Variants in SMG7 observed in about 807,000 individuals in gnomAD.
SMG7 encodes the protein SMG7 nonsense mediated mRNA decay factor.
In SMG7, 34 loss-of-function variants were observed where a neutral mutation model predicts 148.2. The ratio of observed to expected loss-of-function variants is 0.23; its 90% CI spans 0.17 to 0.31. SMG7 has a LOEUF of 0.31. Ranked by LOEUF, SMG7 falls within the 10% of genes least tolerant of loss-of-function variation. SMG7 has a pLI of 1.00. For synonymous variants in SMG7, 492 were observed against 515.1 expected (o/e 0.96, Z 0.61); for missense variants, 1,114 against 1,408.4 (o/e 0.79, Z 3.35).
intron 7 of SMG7, 107 bp downstream of exon 7, chr1:183,529,149 A>T: frequency 9.3e-7 from 1 of 1,077,862 alleles, no homozygotes; most frequent in Non-Finnish European, 1.3e-6. Flanking sequence ...TGCTTCTCTT[A>T]TTTCTAAACA....
At chr1:183,480,078 C>CT (rs1362203199) in intron 1 of SMG7, among the ~76,000 whole-genome samples, 1 of 152,112 alleles carries the variant, frequency 6.6e-6, no homozygotes, top group Admixed American at 6.5e-5. Context: ...TTGGTGGCTG[C>CT]TGTAGGCCTC....
intron 1 of SMG7, among the ~76,000 whole-genome samples, chr1:183,495,029 A>G (rs141302981): frequency 4.6e-5 from 7 of 151,954 alleles, no homozygotes; most frequent in African/African-American, 9.7e-5. Context: ...GGGTTTCACT[A>G]TGTTGGCCAG....
At chr1:183,533,589 G>A in intron 9 of SMG7, 87 bp from the exon 10 acceptor site, 1 of 1,145,952 alleles carries the variant, frequency 8.7e-7, no homozygotes, top group Non-Finnish European at 1.2e-6. Context: ...GTGTTAAACA[G>A]AATATAGTAG....
intron 10 of SMG7, among the ~76,000 whole-genome samples, chr1:183,535,865 T>G (rs1458059245): frequency 6.6e-6 from 1 of 152,170 alleles, no homozygotes; most frequent in Middle Eastern, 3.2e-3. Flanking sequence ...TCTCTTTTAG[T>G]TTACTGACCT....
rs3754518 is a variant in SMG7, at chr1:183,543,675, A to G, written c.1843-678A>G. On this transcript the variant is annotated intron_variant, in intron 14 of 22. Coordinates refer to ENST00000688051, the MANE Select transcript of SMG7 (RefSeq NM_001375584.1). ...ATAAATGATTAAAGAAAGAAAGAGT[A>G]AACATATCACCACACTCTGTACCTC... 3.9e-5 allele frequency among the ~76,000 whole-genome samples: 6 copies of G among 152,322 alleles called. No homozygotes were observed. The East Asian group carries it at 1.2e-3, about 29-fold the overall frequency.
intron 1 of SMG7, among the ~76,000 whole-genome samples, chr1:183,492,385 T>C (rs886772236): frequency 6.6e-6 from 1 of 152,236 alleles, no homozygotes; most frequent in African/African-American, 2.4e-5. Flanking sequence ...TAGGTGAGCC[T>C]GTTTCTGACC....
intron 10 of SMG7, 88 bp downstream of exon 10, chr1:183,533,920 C>T: frequency 9.1e-7 from 1 of 1,099,304 alleles, no homozygotes. Flanking sequence ...TAAAATACAA[C>T]ATTTGAACAA....
intron 1 of SMG7, among the ~76,000 whole-genome samples, chr1:183,490,295 G>C (rs1051250441): frequency 6.6e-6 from 1 of 152,194 alleles, no homozygotes; most frequent in Non-Finnish European, 1.5e-5. Context: ...ATGGATGCTT[G>C]ATGGCAAAAG....
Position 183,551,810 on chromosome 1 carries a change from T to C in SMG7, c.3451-8T>C. 1.3e-6 allele frequency: 2 copies of C among 1,594,706 alleles called. No homozygotes were observed. Among genetic ancestry groups the C allele is most frequent in the Non-Finnish European group, 1.7e-6 (2 of 1,166,958 alleles). ...ACCTCTGCTGACAAGATCTGGACTG[T>C]TTTTCAGTCTATCTGGTCCAGTTCC... On this transcript the variant is annotated splice_polypyrimidine_tract_variant and splice_region_variant and intron_variant, in intron 22 of 22. Coordinates refer to ENST00000688051, the MANE Select transcript of SMG7 (RefSeq NM_001375584.1).
chr1:183,472,770 CAGGT>C, intron 1 of SMG7, 121 bp downstream of exon 1: 1 of 945,486 alleles, frequency 1.1e-6, no homozygotes, highest in Non-Finnish European at 1.5e-6. Context: ...CCTCGCCGGG[CAGGT>C]CGGCGGAGAC....
chr1:183,521,348 C>T (rs1161473305), intron 4 of SMG7, among the ~76,000 whole-genome samples: 1 of 152,192 alleles, frequency 6.6e-6, no homozygotes, highest in Non-Finnish European at 1.5e-5. Context: ...ATCCACCCAC[C>T]TCTGCCTCCC....
chr1:183,516,504 C>T (rs1663578014), intron 3 of SMG7, among the ~76,000 whole-genome samples: 1 of 152,122 alleles, frequency 6.6e-6, no homozygotes, highest in Admixed American at 6.5e-5. Context: ...TTAGACTTTT[C>T]CGCTTCTTCT....
intron 2 of SMG7, 32 bp from the exon 3 acceptor site, chr1:183,515,842 T>G: frequency 1.4e-6 from 2 of 1,393,112 alleles, no homozygotes; most frequent in Non-Finnish European, 2.0e-6. Flanking sequence ...GGTTTATCTA[T>G]CTACCGTTAT....
At chr1:183,545,454 C>T (rs1358212060) in intron 16 of SMG7, 142 bp downstream of exon 16, 2 of 959,002 alleles carry the variant, frequency 2.1e-6, no homozygotes, top group African/African-American at 1.6e-5. Flanking sequence ...AGTATTGTCT[C>T]TACTGTTTAT....
intron 8 of SMG7, among the ~76,000 whole-genome samples, chr1:183,531,926 A>C (rs1666944230): frequency 6.6e-6 from 1 of 152,202 alleles, no homozygotes; most frequent in South Asian, 2.1e-4. Context: ...GAGAAGAGAC[A>C]GGATTTCAGG....
Position 183,527,485 on chromosome 1 carries a change from T to G in SMG7, c.485-471T>G, listed in dbSNP as rs1054441245. On this transcript the variant is annotated intron_variant, in intron 5 of 22. Coordinates refer to ENST00000688051, the MANE Select transcript of SMG7 (RefSeq NM_001375584.1). This position sits in a 1 kb window ranked among gnomAD's most constrained non-coding sequence, Gnocchi z 4.0. ...TGATACTGTGTTTAGGTTGTTTTGC[T>G]TTAAATATAATCTTTGCACACACAT... 1 of 389,524 alleles carries G rather than the reference T, an allele frequency of 2.6e-6. No homozygotes were observed. Among genetic ancestry groups the G allele is most frequent in the Non-Finnish European group, 5.4e-6 (1 of 186,826 alleles). 24.1% of individuals were successfully genotyped at this position (389,524 alleles called of 1,614,324 possible).
chr1:183,524,953 T>G (rs1278270343), intron 4 of SMG7, among the ~76,000 whole-genome samples: 1 of 152,196 alleles, frequency 6.6e-6, no homozygotes, highest in East Asian at 1.9e-4. Context: ...ACTTGCCCAT[T>G]TAGCTACAAG....
At chr1:183,544,579 T>C (rs1558058424) in intron 15 of SMG7, 82 bp downstream of exon 15, 1 of 1,458,168 alleles carries the variant, frequency 6.9e-7, no homozygotes, top group East Asian at 2.3e-5. Context: ...GTGTTTTCTG[T>C]TGGAGTAATG....
At chr1:183,512,557 T>C (rs907002943) in intron 1 of SMG7, among the ~76,000 whole-genome samples, 1 of 152,116 alleles carries the variant, frequency 6.6e-6, no homozygotes, top group African/African-American at 2.4e-5. Context: ...GTAAATCACA[T>C]GTGAAGGAAA....
Sources: allele counts gnomAD v4.1 joint callset (sites outside exome capture counted in the v4.1 genomes callset), GRCh38; gene constraint gnomAD v4.1.1; non-coding constraint Gnocchi (gnomAD v3.1); transcripts MANE v1.5; gene names NCBI Gene and HGNC (gene_info 2026-07-23, HGNC 2026-07-21).